RNGTT: variants seen among roughly 807,000 people sequenced by gnomAD.
The protein encoded by RNGTT is mRNA-capping enzyme.
In RNGTT, 33 loss-of-function variants were observed where a neutral mutation model predicts 79.3. That is an observed-to-expected ratio of 0.42 (90% CI 0.32 to 0.56). The LOEUF is 0.56. Among genes scored for constraint, RNGTT ranks in the 20% least tolerant of loss-of-function variants. The pLI, the probability that RNGTT is intolerant of heterozygous loss-of-function variation, is 0.17. For missense variants in RNGTT, 497 were observed against 739.1 expected (o/e 0.67, Z 3.80); for synonymous variants, 222 against 235.9 (o/e 0.94, Z 0.54).
At chr6:88,742,406 ATC>A (rs1184024729) in intron 13 of RNGTT, among the ~76,000 whole-genome samples, 1 of 152,272 alleles carries the variant, frequency 6.6e-6, no homozygotes, top group Non-Finnish European at 1.5e-5. Flanking sequence ...CTCATATCAT[ATC>A]TGTTTCAAAA....
At position 88,849,824 on chromosome 6, in the gene RNGTT, C is replaced by A; in HGVS notation, c.1035G>T (p.Glu345Asp). ...MHLSNTLLDG[E>D]MIIDRVNGQA... Reference sequence around the variant, plus strand: ...GTCCATTTACTCTGTCAATAATCATCTCCTTGAAAGAGAAAAGAAGGTAAG... The same window carrying A: ...GTCCATTTACTCTGTCAATAATCATATCCTTGAAAGAGAAAAGAAGGTAAG... The change falls in exon 10 of 16, where the codon GAG becomes GAT. Residue 345 changes from glutamate (E) to aspartate (D), a missense_variant and splice_region_variant. Coordinates refer to ENST00000369485, the MANE Select transcript of RNGTT (RefSeq NM_003800.5). The A allele has an allele frequency of 6.4e-7, 1 of 1,553,126 alleles. No individual in the cohort carries two copies. The highest frequency in any genetic ancestry group is 8.7e-7 in the Non-Finnish European group (1 of 1,152,774).
chr6:88,801,492 G>T, intron 12 of RNGTT, 72 bp downstream of exon 12: 1 of 1,163,158 alleles, frequency 8.6e-7, no homozygotes, highest in Non-Finnish European at 1.3e-6. Context: ...GTATGTGTAT[G>T]TATATGTATA....
At chr6:88,673,803 T>C (rs1246776441) in intron 14 of RNGTT, among the ~76,000 whole-genome samples, 2 of 152,236 alleles carry the variant, frequency 1.3e-5, no homozygotes, top group Non-Finnish European at 2.9e-5. Context: ...TGAGACACCA[T>C]GTAACTCACA....
intron 13 of RNGTT, among the ~76,000 whole-genome samples, chr6:88,693,925 C>G (rs1775568990): frequency 6.6e-6 from 1 of 152,084 alleles, no homozygotes; most frequent in Admixed American, 6.6e-5. Flanking sequence ...AAAAAATTCT[C>G]AAATAGGTAC....
chr6:88,669,136 GA>G (rs979054504), intron 14 of RNGTT, among the ~76,000 whole-genome samples: 1 of 152,128 alleles, frequency 6.6e-6, no homozygotes, highest in African/African-American at 2.4e-5. Context: ...AACTGGGCTT[GA>G]CCCCCGAGTC....
chr6:88,874,155 T>A (rs1176458543), intron 8 of RNGTT, among the ~76,000 whole-genome samples: 1 of 152,138 alleles, frequency 6.6e-6, no homozygotes, highest in East Asian at 1.9e-4. Context: ...TTGCATTAAT[T>A]ACCATTTATG....
At chr6:88,944,185 T>C (rs1298010300) in intron 1 of RNGTT, among the ~76,000 whole-genome samples, 1 of 152,240 alleles carries the variant, frequency 6.6e-6, no homozygotes, top group African/African-American at 2.4e-5. Context: ...TGCTAGACAC[T>C]GTTTAAAATA....
chr6:88,798,804 A>G (rs1230968291), intron 12 of RNGTT, among the ~76,000 whole-genome samples: 2 of 152,234 alleles, frequency 1.3e-5, no homozygotes, highest in African/African-American at 4.8e-5. Context: ...TCTTAACACA[A>G]TAAAGGATAT....
At chr6:88,852,202 T>C (rs1781696932) in intron 9 of RNGTT, among the ~76,000 whole-genome samples, 1 of 152,056 alleles carries the variant, frequency 6.6e-6, no homozygotes, top group African/African-American at 2.4e-5. Flanking sequence ...CCTGCTCAAT[T>C]AAGCAAAATG....
At chr6:88,923,530 GAA>G (rs1368242404) in intron 4 of RNGTT, among the ~76,000 whole-genome samples, 1 of 151,968 alleles carries the variant, frequency 6.6e-6, no homozygotes, top group Non-Finnish European at 1.5e-5. Flanking sequence ...TTCCAAGAAG[GAA>G]AAGTTTATTG....
At chr6:88,615,652 G>A (rs942804662) in intron 14 of RNGTT, among the ~76,000 whole-genome samples, 1 of 152,086 alleles carries the variant, frequency 6.6e-6, no homozygotes, top group African/African-American at 2.4e-5. Context: ...CATTCAGTTA[G>A]GTAAACACAG....
chr6:88,884,761 ATAAT>A (rs1259525395), intron 8 of RNGTT, among the ~76,000 whole-genome samples: 2 of 152,222 alleles, frequency 1.3e-5, no homozygotes, highest in Non-Finnish European at 2.9e-5. Context: ...AAGAGAGAAA[ATAAT>A]TAAGTAACTT....
intron 11 of RNGTT, among the ~76,000 whole-genome samples, chr6:88,837,796 T>C (rs1331074921): frequency 6.6e-6 from 1 of 152,148 alleles, no homozygotes; most frequent in East Asian, 1.9e-4. Context: ...AACAAACGCA[T>C]ACTTGTTTCA....
At chr6:88,725,822 G>A (rs1371831601) in intron 13 of RNGTT, among the ~76,000 whole-genome samples, 1 of 152,174 alleles carries the variant, frequency 6.6e-6, no homozygotes, top group African/African-American at 2.4e-5. Flanking sequence ...CCTAGGGGAA[G>A]GGGAAGGAGA....
intron 8 of RNGTT, among the ~76,000 whole-genome samples, chr6:88,876,997 A>G (rs948958909): frequency 6.6e-6 from 1 of 152,228 alleles, no homozygotes; most frequent in African/African-American, 2.4e-5. Context: ...GATTTGATTA[A>G]AGAAACTGCT....
At chr6:88,785,478 A>C (rs997087681) in intron 12 of RNGTT, among the ~76,000 whole-genome samples, 2 of 151,938 alleles carry the variant, frequency 1.3e-5, no homozygotes, top group Non-Finnish European at 2.9e-5. Context: ...CTGTGCTCTA[A>C]AAGATGAACA....
At chr6:88,711,447 T>A (rs1487096161) in intron 13 of RNGTT, among the ~76,000 whole-genome samples, 1 of 152,222 alleles carries the variant, frequency 6.6e-6, no homozygotes, top group African/African-American at 2.4e-5. Flanking sequence ...TTAATAAAAG[T>A]GTTCTTAACC....
chr6:88,922,016 C>A (rs1784178767), intron 4 of RNGTT, among the ~76,000 whole-genome samples: 1 of 151,760 alleles, frequency 6.6e-6, no homozygotes, highest in African/African-American at 2.4e-5. Context: ...AGAACCAATC[C>A]CCTGAGGAGT....
At chr6:88,701,974 A>C (rs2127802275) in intron 13 of RNGTT, among the ~76,000 whole-genome samples, 1 of 150,018 alleles carries the variant, frequency 6.7e-6, no homozygotes, top group Admixed American at 7.4e-5. Flanking sequence ...GCCACAAAAA[A>C]CACACACAAA....
Sources: allele counts gnomAD v4.1 joint callset (sites outside exome capture counted in the v4.1 genomes callset), GRCh38; gene constraint gnomAD v4.1.1; transcripts MANE v1.5; gene names NCBI Gene and HGNC (gene_info 2026-07-23, HGNC 2026-07-21).